The following ATL3 variants were observed in gnomAD, a reference collection of about 807,000 sequenced individuals.
ATL3 encodes the protein atlastin GTPase 3, also known as atlastin-3.
In ATL3, 49 loss-of-function variants were observed where a neutral mutation model predicts 69.5. That is an observed-to-expected ratio of 0.71 (90% confidence interval 0.56 to 0.89). The LOEUF (loss-of-function observed/expected upper bound fraction) is 0.89, where lower values mean the gene tolerates loss of function less well. Among genes scored for constraint, ATL3 ranks in the 40% least tolerant of loss-of-function variants. The probability of loss-of-function intolerance (pLI) is 0.00; values close to 1 mark genes in which losing one functional copy is unlikely to be tolerated. For synonymous variants in ATL3, 214 were observed against 224.1 expected (o/e 0.95, Z 0.40); for missense variants, 606 against 645.7 (o/e 0.94, Z 0.67).
At chr11:63,664,190 A>T (rs1354201965) in intron 1 of ATL3, among the ~76,000 whole-genome samples, 1 of 152,244 alleles carries the variant, frequency 6.6e-6, no homozygotes, top group African/African-American at 2.4e-5. Context: ...CCAGGACTTT[A>T]CAATTAAGTT....
chr11:63,656,166 G>A (rs1389276863), intron 3 of ATL3, among the ~76,000 whole-genome samples: 2 of 151,574 alleles, frequency 1.3e-5, no homozygotes, highest in African/African-American at 2.4e-5. Context: ...GGAGCTTGCA[G>A]TGAGCCGAGA....
At chr11:63,635,972 T>C (rs968902670) in intron 9 of ATL3, among the ~76,000 whole-genome samples, 11 of 149,974 alleles carry the variant, frequency 7.3e-5, no homozygotes, top group African/African-American at 2.5e-4. Context: ...CAATCTTCCT[T>C]TAGTCACAGC....
intron 12 of ATL3, among the ~76,000 whole-genome samples, chr11:63,629,762 G>A (rs770779040): frequency 1.3e-5 from 2 of 152,160 alleles, no homozygotes; most frequent in African/African-American, 2.4e-5. Context: ...GGTGGCACTC[G>A]CCTGTAACAC....
Position 63,667,355 on chromosome 11 carries a change from A to G in ATL3, c.46+3935T>C, listed in dbSNP as rs571725061. ...AAGCATTTTTTTTTTTTTGAGACAG[A>G]TTCTTGCTCTGTCGCCCAGGCTGGT... On this transcript the variant is annotated intron_variant, in intron 1 of 12. Transcript: ENST00000398868. Among the ~76,000 whole-genome samples the G allele has an allele frequency of 7.9e-5, 12 of 151,596 alleles. No homozygotes were observed. In the East Asian group the frequency reaches 2.3e-3, roughly 30 times the overall value.
intron 11 of ATL3, 124 bp from the exon 12 acceptor site, chr11:63,631,595 C>T: frequency 1.1e-6 from 1 of 901,662 alleles, no homozygotes; most frequent in Non-Finnish European, 1.6e-6. Flanking sequence ...AATAAGTTAA[C>T]TTTTAAAAGA....
chr11:63,648,858 C>T (rs1939977653), intron 5 of ATL3, among the ~76,000 whole-genome samples: 1 of 151,320 alleles, frequency 6.6e-6, no homozygotes, highest in African/African-American at 2.4e-5. Flanking sequence ...CGGCTCACAT[C>T]TGTAATCCTG....
chr11:63,644,365 A>AAATAT, intron 6 of ATL3, 104 bp from the exon 7 acceptor site: 1 of 659,000 alleles, frequency 1.5e-6, no homozygotes, highest in Non-Finnish European at 2.6e-6. Flanking sequence ...CAAAGGGGGT[A>AAATAT]AAGTAGAAGG....
chr11:63,645,528 A>G (rs1565275431), intron 6 of ATL3, among the ~76,000 whole-genome samples: 1 of 152,158 alleles, frequency 6.6e-6, no homozygotes, highest in Non-Finnish European at 1.5e-5. Context: ...ATAGGTCAGC[A>G]AAGACTTTTT....
intron 1 of ATL3, among the ~76,000 whole-genome samples, chr11:63,667,055 C>T (rs536816912): frequency 1.7e-4 from 26 of 152,300 alleles, no homozygotes; most frequent in African/African-American, 5.5e-4. Context: ...AAATCTTGTG[C>T]TATCCTGCCT....
At chr11:63,656,921 A>G (rs1940269349) in intron 3 of ATL3, among the ~76,000 whole-genome samples, 1 of 152,010 alleles carries the variant, frequency 6.6e-6, no homozygotes, top group African/African-American at 2.4e-5. Context: ...ACTTCAAAAT[A>G]TCAAAGGTGG....
At chr11:63,657,365 C>T (rs1467264175) in intron 3 of ATL3, among the ~76,000 whole-genome samples, 1 of 152,186 alleles carries the variant, frequency 6.6e-6, no homozygotes, top group Non-Finnish European at 1.5e-5. Flanking sequence ...ATGCCCATAG[C>T]TTACAAGGCA....
Position 63,658,806 on chromosome 11 carries a change from T to A in ATL3, c.360A>T (p.Gln120His), listed in dbSNP as rs1250697836. The A allele has an allele frequency of 6.2e-7, 1 of 1,612,160 alleles. No individual in the cohort carries two copies. The change falls in exon 3 of 13, where the codon CAA becomes CAT. Residue 120 changes from glutamine (Q) to histidine (H), a missense_variant. Transcript: ENST00000398868. ...GGSDPETTGI[Q>H]IWSEVFTVEK... is the part of the protein sequence containing the mutation. ...CCACAGTGAAAACTTCACTCCAGAT[T>A]TGAATCCCAGTGGTTTCTGGATCAG...
chr11:63,637,656 G>C (rs764328742), intron 8 of ATL3: 1 of 152,078 alleles, frequency 6.6e-6, no homozygotes, highest in Non-Finnish European at 1.5e-5. Context: ...AGACACAGGA[G>C]AATTAAAATA....
intron 3 of ATL3, among the ~76,000 whole-genome samples, chr11:63,653,043 T>C (rs1038323711): frequency 6.6e-6 from 1 of 151,810 alleles, no homozygotes; most frequent in Non-Finnish European, 1.5e-5. Flanking sequence ...TTTAAAAAAT[T>C]AGGTCAGGCG....
At chr11:63,667,135 T>C (rs1358516623) in intron 1 of ATL3, among the ~76,000 whole-genome samples, 2 of 152,180 alleles carry the variant, frequency 1.3e-5, no homozygotes, top group African/African-American at 4.8e-5. Context: ...AGTTATTTAG[T>C]AGCCTTCTCA....
At chr11:63,651,764 G>A (rs1034087100) in intron 5 of ATL3, among the ~76,000 whole-genome samples, 172 bp downstream of exon 5, 8 of 151,940 alleles carry the variant, frequency 5.3e-5, no homozygotes, top group Non-Finnish European at 8.8e-5. Context: ...GGCCTTCCCC[G>A]ACCACTCCTG....
At chr11:63,662,073 C>T (rs373241164) in intron 1 of ATL3, among the ~76,000 whole-genome samples, 1 of 147,006 alleles carries the variant, frequency 6.8e-6, no homozygotes, top group Admixed American at 6.8e-5. Flanking sequence ...ATTAGCCGGG[C>T]GTGGTGGTGG....
rs1939370500 is a variant in ATL3, at chr11:63,632,874, A to C, written c.1107+152T>G. On this transcript the variant is annotated intron_variant, in intron 11 of 12. Transcript: ENST00000398868. ...AACAAACAAACAAAGAAATGGTAAT[A>C]ATTAGAAGGCCCCCGTTACCAGGAC... The C allele has an allele frequency of 3.9e-6, 3 of 777,360 alleles. No homozygotes were observed. In the East Asian group the frequency reaches 7.8e-5, roughly 20 times the overall value. The allele number at this position is 777,360 out of a possible 1,614,324, so 48.2% of individuals were successfully genotyped here. A position where few individuals can be genotyped will look rare whatever the true frequency, so the allele number is the denominator to read the frequency against.
At position 63,631,202 on chromosome 11, in the gene ATL3, G is replaced by A. The variant is rs1244259646; in HGVS notation, c.1377C>T (p.Gly459=). The A allele has an allele frequency of 2.5e-6, 4 of 1,614,070 alleles. No individual in the cohort carries two copies. In the Admixed American group the frequency reaches 5.0e-5, roughly 20 times the overall value. ...TGIVALYIAS[G]LTGFIGLEVV... ...CCTCAAGACCTATGAAGCCAGTGAGGCCTGAGGCTATGTACAAAGCTACAA... is the reference window on the plus strand; with the variant it reads ...CCTCAAGACCTATGAAGCCAGTGAGACCTGAGGCTATGTACAAAGCTACAA... Residue 459 remains glycine, a synonymous_variant, in exon 12 of 13, where the codon GGC becomes GGT. Transcript: ENST00000398868.
Sources: allele counts gnomAD v4.1 joint callset (sites outside exome capture counted in the v4.1 genomes callset), GRCh38; gene constraint gnomAD v4.1.1; transcripts MANE v1.5; gene names NCBI Gene and HGNC (gene_info 2026-07-23, HGNC 2026-07-21).